The following SPEN variants were observed in gnomAD, a reference collection of about 807,000 sequenced individuals.
SPEN encodes the protein msx2-interacting protein.
In SPEN, 18 loss-of-function variants were observed where a neutral mutation model predicts 269.9. The ratio of observed to expected loss-of-function variants is 0.07; its 90% CI spans 0.05 to 0.10. SPEN has a LOEUF of 0.10. Ranked by LOEUF, SPEN falls within the 10% of genes least tolerant of loss-of-function variation. The pLI, the probability that SPEN is intolerant of heterozygous loss-of-function variation, is 1.00. For synonymous variants in SPEN, 1,726 were observed against 1,765.7 expected (o/e 0.98, Z 0.56); for missense variants, 3,822 against 4,631.2 (o/e 0.83, Z 5.07).
At chr1:15,858,682 T>C (rs2070410804) in intron 1 of SPEN, among the ~76,000 whole-genome samples, 1 of 152,158 alleles carries the variant, frequency 6.6e-6, no homozygotes, top group Non-Finnish European at 1.5e-5. Context: ...TTGCCTGTAT[T>C]CCAGCACTTT....
At chr1:15,904,373 G>A (rs2070931932) in intron 3 of SPEN, among the ~76,000 whole-genome samples, 1 of 143,168 alleles carries the variant, frequency 7.0e-6, no homozygotes, top group Non-Finnish European at 1.5e-5. Flanking sequence ...GGCTGAGGCA[G>A]GAGAATCACT....
At chr1:15,891,875 T>C (rs761779119) in intron 3 of SPEN, among the ~76,000 whole-genome samples, 28 of 151,412 alleles carry the variant, frequency 1.8e-4, no homozygotes, top group Non-Finnish European at 3.8e-4. Flanking sequence ...TTTAAAAATA[T>C]ACACATCAAG....
intron 3 of SPEN, among the ~76,000 whole-genome samples, chr1:15,896,994 G>A (rs2070847838): frequency 6.6e-6 from 1 of 152,100 alleles, no homozygotes; most frequent in Admixed American, 6.6e-5. Context: ...TAGTGTTGGT[G>A]GTTGGTTATG....
chr1:15,915,074 GT>G (rs764193019), intron 5 of SPEN, among the ~76,000 whole-genome samples: 57 of 152,166 alleles, frequency 3.7e-4, no homozygotes, highest in Non-Finnish European at 7.8e-4. Context: ...TTTCAGCTGA[GT>G]TTTTATGTCT....
chr1:15,852,741 TAGG>T (rs2070348282), intron 1 of SPEN, among the ~76,000 whole-genome samples: 1 of 152,214 alleles, frequency 6.6e-6, no homozygotes, highest in South Asian at 2.1e-4. Flanking sequence ...AAAATTTATG[TAGG>T]AGGTTTTTCC....
Position 15,939,167 on chromosome 1 carries a change from G to A in SPEN, c.10864-129G>A, listed in dbSNP as rs1452707161. On this transcript the variant is annotated intron_variant, in intron 14 of 14. Transcript: ENST00000375759. This position sits in a 1 kb window ranked among gnomAD's most constrained non-coding sequence, Gnocchi z 4.1. Reference sequence around the variant, plus strand: ...AGGTCTTCCAGTAGACATAGTCCTGGCACATTTGCTGGTTGGGGACTGATT... The same window carrying A: ...AGGTCTTCCAGTAGACATAGTCCTGACACATTTGCTGGTTGGGGACTGATT... 5.4e-6 allele frequency: 7 copies of A among 1,292,320 alleles called. No homozygotes were observed. The highest frequency in any genetic ancestry group is 7.4e-6 in the Non-Finnish European group (7 of 949,832). The allele number at this position is 1,292,320 out of a possible 1,614,324, so 80.1% of individuals were successfully genotyped here.
In SPEN at chr1:15,935,301, C is replaced by T. The variant is rs150919415; in HGVS notation, c.9061C>T (p.Leu3021=). The T allele has an allele frequency of 5.6e-5, 90 of 1,614,024 alleles. 1 individual carries two copies. The African/African-American group carries it at 1.1e-3, about 20-fold the overall frequency. Reference sequence around the variant, plus strand: ...TGTCTCCCATTTGGCAGCTGCAAAGCTAGATGCTCATTCTCCTCGACCAAG... The same window carrying T: ...TGTCTCCCATTTGGCAGCTGCAAAGTTAGATGCTCATTCTCCTCGACCAAG... ...RTVSHLAAAK[L]DAHSPRPSGP... The change falls in exon 11 of 15, where the codon CTA becomes TTA. Residue 3021 remains leucine, a synonymous_variant. Transcript: ENST00000375759. This position sits in a 1 kb window ranked among gnomAD's most constrained non-coding sequence, Gnocchi z 7.7.
chr1:15,852,235 GAGACC>G (rs1262565306), intron 1 of SPEN, among the ~76,000 whole-genome samples: 1 of 151,932 alleles, frequency 6.6e-6, no homozygotes, highest in Non-Finnish European at 1.5e-5. Context: ...TTCTTCATTT[GAGACC>G]AGAAGGTTTC....
chr1:15,873,531 C>G (rs2070601949), intron 2 of SPEN: 1 of 995,992 alleles, frequency 1.0e-6, no homozygotes, highest in Admixed American at 5.5e-5. Context: ...AATATTAGAG[C>G]CTACAGATTC....
chr1:15,854,130 G>A (rs965362060), intron 1 of SPEN, among the ~76,000 whole-genome samples: 1 of 152,044 alleles, frequency 6.6e-6, no homozygotes, highest in Non-Finnish European at 1.5e-5. Flanking sequence ...AACATTTTTA[G>A]TGTTAGTTTG....
intron 5 of SPEN, among the ~76,000 whole-genome samples, chr1:15,915,061 T>C (rs2071045470): frequency 6.6e-6 from 1 of 152,222 alleles, no homozygotes; most frequent in East Asian, 1.9e-4. Context: ...GAAGGTGGAC[T>C]ATTTTCAGCT....
chr1:15,896,140 T>C (rs184884961), intron 3 of SPEN, among the ~76,000 whole-genome samples: 31 of 151,244 alleles, frequency 2.0e-4, no homozygotes, highest in Admixed American at 7.3e-4. Context: ...TGAGAATAGA[T>C]GAGGAATAAT....
chr1:15,849,736 C>A (rs1031023198), intron 1 of SPEN, among the ~76,000 whole-genome samples: 1 of 152,056 alleles, frequency 6.6e-6, no homozygotes, highest in Admixed American at 6.6e-5. Flanking sequence ...CCACCCCTTA[C>A]CCGCCCCCCA....
At chr1:15,853,702 C>T (rs1245210603) in intron 1 of SPEN, among the ~76,000 whole-genome samples, 1 of 151,152 alleles carries the variant, frequency 6.6e-6, no homozygotes, top group Non-Finnish European at 1.5e-5. Context: ...CTCACTCTGT[C>T]ACCCAGGCTG....
chr1:15,879,081 G>C (rs1009958458), intron 3 of SPEN, among the ~76,000 whole-genome samples: 1 of 151,148 alleles, frequency 6.6e-6, no homozygotes, highest in Non-Finnish European at 1.5e-5. Context: ...GCTCACACCT[G>C]TAATTCCAGC....
intron 1 of SPEN, among the ~76,000 whole-genome samples, chr1:15,853,638 C>T (rs1046950779): frequency 9.3e-5 from 14 of 151,304 alleles, no homozygotes; most frequent in Admixed American, 4.6e-4. Context: ...GGATTATAGG[C>T]GCACACCACC....
chr1:15,883,967 G>A (rs945181846), intron 3 of SPEN, among the ~76,000 whole-genome samples: 17 of 151,488 alleles, frequency 1.1e-4, no homozygotes, highest in Non-Finnish European at 2.2e-4. Context: ...CCGCCACCCC[G>A]CCCGGATAAT....
chr1:15,857,502 G>A (rs1467283457), intron 1 of SPEN, among the ~76,000 whole-genome samples: 6 of 151,798 alleles, frequency 4.0e-5, no homozygotes, highest in South Asian at 2.1e-4. Context: ...GATTACAGGC[G>A]TGTGCTACCA....
chr1:15,921,574 G>A (rs1349479752), intron 9 of SPEN, among the ~76,000 whole-genome samples: 3 of 152,140 alleles, frequency 2.0e-5, no homozygotes, highest in African/African-American at 7.2e-5. Flanking sequence ...CACTCTCATC[G>A]CAGGCTTGAC....
Sources: allele counts gnomAD v4.1 joint callset (sites outside exome capture counted in the v4.1 genomes callset), GRCh38; gene constraint gnomAD v4.1.1; non-coding constraint Gnocchi (gnomAD v3.1); transcripts MANE v1.5; gene names NCBI Gene and HGNC (gene_info 2026-07-23, HGNC 2026-07-21).